The following PCDH9 variants were observed in gnomAD, a reference collection of about 807,000 sequenced individuals.
The protein encoded by PCDH9 is protocadherin 9, also known as protocadherin-9.
A neutral mutation model predicts 70.6 loss-of-function variants in PCDH9; 24 were observed. That is an observed-to-expected ratio of 0.34 (90% confidence interval 0.25 to 0.48). The LOEUF is 0.48. PCDH9 is among the 20% of genes least tolerant of loss of function. The probability of loss-of-function intolerance (pLI) is 0.99; values close to 1 mark genes in which losing one functional copy is unlikely to be tolerated. For synonymous variants in PCDH9, 562 were observed against 558.5 expected, an observed-to-expected ratio of 1.01 and a Z score of -0.09; for missense variants, 1,281 against 1,503.6, an observed-to-expected ratio of 0.85 and a Z score of 2.45.
intron 3 of PCDH9, among the ~76,000 whole-genome samples, chr13:66,679,962 A>G (rs1263025508): frequency 6.6e-6 from 1 of 151,970 alleles, no homozygotes; most frequent in African/African-American, 2.4e-5. Flanking sequence ...CTTTTTTAAT[A>G]CTACTAAAAA....
Position 66,631,194 on chromosome 13 carries a change from T to G in PCDH9, c.3340+16A>C. The G allele has an allele frequency of 7.1e-7, 1 of 1,417,902 alleles. No individual in the cohort carries two copies. The highest frequency in any genetic ancestry group is 1.4e-5 in the African/African-American group (1 of 71,144). 87.8% of individuals were successfully genotyped at this position (1,417,902 alleles called of 1,614,324 possible). ...CAGAACAACTCCAAGCAATCAAAATTTTGAAGGGGACTCACCAGAGTTGGG... is the reference window on the plus strand; with the variant it reads ...CAGAACAACTCCAAGCAATCAAAATGTTGAAGGGGACTCACCAGAGTTGGG... On this transcript the variant is annotated intron_variant, in intron 4 of 4. Transcript: ENST00000377865.
At chr13:66,754,543 T>C (rs1009575671) in intron 3 of PCDH9, among the ~76,000 whole-genome samples, 2 of 152,102 alleles carry the variant, frequency 1.3e-5, no homozygotes, top group African/African-American at 2.4e-5. Flanking sequence ...AAACAGTTTA[T>C]GAAGAGATTA....
Position 66,609,954 on chromosome 13 carries a change from C to CTTTTTTTTTT in PCDH9, c.3340+21246_3340+21255dup, listed in dbSNP as rs11333407. Among the ~76,000 whole-genome samples, 126 of 117,124 alleles carry CTTTTTTTTTT rather than the reference C, an allele frequency of 1.1e-3. 3 individuals are homozygous for CTTTTTTTTTT. Among genetic ancestry groups the CTTTTTTTTTT allele is most frequent in the African/African-American group, 3.8e-3 (123 of 32,514 alleles). 76.8% of individuals were successfully genotyped at this position (117,124 alleles called of 152,430 possible). A position where few individuals can be genotyped will look rare whatever the true frequency, so the allele number is the denominator to read the frequency against. On this transcript the variant is annotated intron_variant, in intron 4 of 4. Coordinates refer to ENST00000377865, the MANE Select transcript of PCDH9 (RefSeq NM_203487.3). ...CAGTAAGGAGAAATAGCATTTCCTT[C>CTTTTTTTTTT]TTTTTTTTTTTTTTTTTTTTTGAGA...
At chr13:66,779,839 C>CTATA (rs1217221898) in intron 3 of PCDH9, among the ~76,000 whole-genome samples, 1 of 24,696 alleles carries the variant, frequency 4.0e-5, no homozygotes, top group Non-Finnish European at 9.6e-5. Context: ...CTCTCTCTCT[C>CTATA]TCTCTCTCTC....
At chr13:66,421,127 A>AG (rs914330379) in intron 4 of PCDH9, among the ~76,000 whole-genome samples, 16 of 151,866 alleles carry the variant, frequency 1.1e-4, no homozygotes, top group African/African-American at 3.9e-4. Context: ...ACAAGATTAG[A>AG]GAAAAAAAAA....
intron 3 of PCDH9, among the ~76,000 whole-genome samples, chr13:66,650,039 C>T (rs113650149): frequency 2.0e-5 from 3 of 150,188 alleles, no homozygotes; most frequent in Non-Finnish European, 3.0e-5. Flanking sequence ...TAGAAAACCA[C>T]CTTCAGTAAA....
At chr13:67,071,962 G>GA (rs199933670) in intron 2 of PCDH9, among the ~76,000 whole-genome samples, 4 of 149,810 alleles carry the variant, frequency 2.7e-5, no homozygotes, top group East Asian at 3.9e-4. Flanking sequence ...ATAAATCTCA[G>GA]AAAAAAATAC....
At chr13:66,386,367 A>G (rs983710041) in intron 4 of PCDH9, among the ~76,000 whole-genome samples, 5 of 152,110 alleles carry the variant, frequency 3.3e-5, no homozygotes, top group Admixed American at 1.3e-4. Flanking sequence ...GTATTCTACT[A>G]CACTCCACCC....
At chr13:67,145,143 AC>A (rs1367678924) in intron 2 of PCDH9, among the ~76,000 whole-genome samples, 1 of 152,038 alleles carries the variant, frequency 6.6e-6, no homozygotes, top group Non-Finnish European at 1.5e-5. Context: ...TCTATTACAC[AC>A]CATAATACAA....
chr13:66,508,055 T>C (rs1036781843), intron 4 of PCDH9, among the ~76,000 whole-genome samples: 5 of 152,132 alleles, frequency 3.3e-5, no homozygotes, highest in African/African-American at 1.2e-4. Flanking sequence ...TTCTGCAAAT[T>C]GTTTGACCTC....
chr13:66,764,803 T>G (rs994541745), intron 3 of PCDH9, among the ~76,000 whole-genome samples: 7 of 151,974 alleles, frequency 4.6e-5, no homozygotes, highest in African/African-American at 1.7e-4. Flanking sequence ...AAGAAAACCC[T>G]GAGTTATTGG....
chr13:66,822,757 G>T (rs894921122), intron 3 of PCDH9, among the ~76,000 whole-genome samples: 1 of 151,960 alleles, frequency 6.6e-6, no homozygotes, highest in Non-Finnish European at 1.5e-5. Flanking sequence ...TGATCCGCCT[G>T]CCTCCACCTC....
chr13:66,645,866 A>C (rs1195462622), intron 3 of PCDH9, among the ~76,000 whole-genome samples: 3 of 152,214 alleles, frequency 2.0e-5, no homozygotes, highest in Non-Finnish European at 2.9e-5. Flanking sequence ...TGAAGAAGAA[A>C]TTCAGGGTAC....
chr13:66,989,563 A>T (rs143316171), intron 2 of PCDH9, among the ~76,000 whole-genome samples: 158 of 151,994 alleles, frequency 1.0e-3, no homozygotes, highest in African/African-American at 3.7e-3. Context: ...TTACTCCATG[A>T]TCCCAAGTCT....
chr13:66,635,052 A>G (rs2077620064), intron 3 of PCDH9, among the ~76,000 whole-genome samples: 1 of 152,064 alleles, frequency 6.6e-6, no homozygotes, highest in Admixed American at 6.5e-5. Context: ...GCCTCCAAAA[A>G]TTTTGCATTT....
chr13:66,869,156 A>G (rs937300241), intron 3 of PCDH9, among the ~76,000 whole-genome samples: 2 of 152,176 alleles, frequency 1.3e-5, no homozygotes, highest in Non-Finnish European at 2.9e-5. Flanking sequence ...GATGTCCTTC[A>G]TCACAGTTCC....
chr13:67,186,567 T>A (rs962251731), intron 2 of PCDH9, among the ~76,000 whole-genome samples: 19 of 152,090 alleles, frequency 1.2e-4, no homozygotes, highest in Non-Finnish European at 1.6e-4. Context: ...GAGTAGCAAG[T>A]CCTTAAATAG....
intron 3 of PCDH9, among the ~76,000 whole-genome samples, chr13:66,737,234 G>A (rs894821294): frequency 2.0e-5 from 3 of 152,066 alleles, no homozygotes; most frequent in African/African-American, 7.2e-5. Flanking sequence ...ACACGTGATT[G>A]CTTGCATTTT....
intron 4 of PCDH9, among the ~76,000 whole-genome samples, chr13:66,545,386 A>C (rs1032243163): frequency 6.6e-6 from 1 of 152,192 alleles, no homozygotes; most frequent in Non-Finnish European, 1.5e-5. Flanking sequence ...GTTAATAAAA[A>C]ATTTCAAGAC....
Sources: allele counts gnomAD v4.1 joint callset (sites outside exome capture counted in the v4.1 genomes callset), GRCh38; gene constraint gnomAD v4.1.1; transcripts MANE v1.5; gene names NCBI Gene and HGNC (gene_info 2026-07-23, HGNC 2026-07-21).